The following CBR4 variants were observed in gnomAD, a reference collection of about 807,000 sequenced individuals.
CBR4 encodes the protein 3-oxoacyl-[acyl-carrier-protein] reductase.
In CBR4, 22 loss-of-function variants were observed where a neutral mutation model predicts 21.0. The ratio of observed to expected loss-of-function variants is 1.05; its 90% CI spans 0.75 to 1.50. CBR4 has a LOEUF of 1.50. Ranked by LOEUF, CBR4 falls within the 40% of genes most tolerant of loss-of-function variation. The probability of loss-of-function intolerance (pLI) is 0.00; values close to 1 mark genes in which losing one functional copy is unlikely to be tolerated. For missense variants in CBR4, 302 were observed against 286.3 expected (o/e 1.05, Z -0.40); for synonymous variants, 100 against 104.4 (o/e 0.96, Z 0.26).
At chr4:168,926,457 A>G (rs1762590703) in intron 2 of CBR4, 1 of 1,086,786 alleles carries the variant, frequency 9.2e-7, no homozygotes, top group African/African-American at 1.6e-5. Context: ...TTGTCACATT[A>G]TGTAAAAGGC....
chr4:168,951,333 G>A (rs567342509), intron 2 of CBR4, among the ~76,000 whole-genome samples: 2 of 152,330 alleles, frequency 1.3e-5, no homozygotes, highest in South Asian at 4.1e-4. Flanking sequence ...TGGGATTACA[G>A]GCGTGAGCCA....
At chr4:168,979,930 C>A (rs1578974265) in intron 2 of CBR4, among the ~76,000 whole-genome samples, 1 of 152,114 alleles carries the variant, frequency 6.6e-6, no homozygotes, top group South Asian at 2.1e-4. Flanking sequence ...CAGCAGCTGC[C>A]CTATGAAGAG....
rs750164523 is a variant in CBR4 at position 169,002,032 on chromosome 4, T to C, written c.535+39A>G. On this transcript the variant is annotated intron_variant, in intron 4 of 4. Transcript: ENST00000306193. ...AAATAATGGCTTCCCTATAAAACAA[T>C]AATCATAATCAAGTTATTTTAATAA... 4.7e-6 allele frequency: 7 copies of C among 1,488,522 alleles called. No homozygotes were observed. In the East Asian group the frequency reaches 1.7e-4, roughly 35 times the overall value. The allele number at this position is 1,488,522 out of a possible 1,614,324, so 92.2% of individuals were successfully genotyped here.
chr4:168,966,015 T>C (rs897010507), intron 2 of CBR4, among the ~76,000 whole-genome samples: 3 of 151,900 alleles, frequency 2.0e-5, no homozygotes, highest in Admixed American at 2.0e-4. Flanking sequence ...AGGGCTAATA[T>C]CCAGAATCTA....
Position 168,978,793 on chromosome 4 carries a change from G to A in CBR4, n.169+23278C>T, listed in dbSNP as rs115779722. Reference sequence around the variant, plus strand: ...CCCCAGGAGAGAGGCTGCATCCACAGTACTGAGAAGCAGACGAACTACAGG... The same window carrying A: ...CCCCAGGAGAGAGGCTGCATCCACAATACTGAGAAGCAGACGAACTACAGG... On this transcript the variant is annotated intron_variant and non_coding_transcript_variant, in intron 2 of 3. Coordinates refer to the CBR4 transcript ENST00000509108. 7.6e-3 allele frequency among the ~76,000 whole-genome samples: 1,161 copies of A among 152,270 alleles called. 18 individuals are homozygous for A. Among genetic ancestry groups the A allele is most frequent in the African/African-American group, 0.026 (1,085 of 41,536 alleles).
rs927644209 is a variant in CBR4 at position 168,915,931 on chromosome 4, T to A, written n.170-21166A>T. The A allele has an allele frequency of 6.2e-7, 1 of 1,613,502 alleles. No homozygotes were observed. The highest frequency in any genetic ancestry group is 8.5e-7 in the Non-Finnish European group (1 of 1,179,428). On this transcript the variant is annotated intron_variant and non_coding_transcript_variant, in intron 2 of 3. Coordinates refer to the CBR4 transcript ENST00000509108. The stretch of plus-strand genomic sequence containing the variant: ...GATCAAGGGACAGTGGAGACGAAAA[T>A]GAACCAATTCAGGAGCGATTCTTCA...
At position 168,957,533 on chromosome 4, in the gene CBR4, C is replaced by T. The variant is rs534317639; in HGVS notation, n.169+44538G>A. 4.7e-4 allele frequency among the ~76,000 whole-genome samples: 72 copies of T among 152,246 alleles called. No homozygotes were observed. The South Asian group carries it at 5.8e-3, about 12-fold the overall frequency. On this transcript the variant is annotated intron_variant and non_coding_transcript_variant, in intron 2 of 3. Coordinates refer to the CBR4 transcript ENST00000509108. ...TTAAAGTGTATCTGAATTGTGAAAA[C>T]ATATACACCCACGAAACTGCTACCA...
chr4:168,903,518 G>GT (rs1435317700), intron 2 of CBR4, among the ~76,000 whole-genome samples: 6 of 152,056 alleles, frequency 3.9e-5, no homozygotes, highest in African/African-American at 1.4e-4. Context: ...ATATATGAAT[G>GT]TAAGTGCAAT....
intron 2 of CBR4, among the ~76,000 whole-genome samples, chr4:168,928,914 T>C (rs1316027745): frequency 6.6e-6 from 1 of 152,208 alleles, no homozygotes; most frequent in Non-Finnish European, 1.5e-5. Context: ...CACCTGACTT[T>C]GGGAACCTTA....
chr4:168,915,257 T>G (rs1759867339), intron 2 of CBR4, among the ~76,000 whole-genome samples: 5 of 152,214 alleles, frequency 3.3e-5, no homozygotes. Flanking sequence ...TCAACATCTT[T>G]TAAGTCTTCC....
intron 4 of CBR4, among the ~76,000 whole-genome samples, chr4:168,995,417 GA>G (rs752880821): frequency 3.3e-5 from 5 of 152,160 alleles, no homozygotes; most frequent in East Asian, 1.9e-4. Context: ...AATAAGGCAT[GA>G]GATACTGGAA....
At chr4:168,943,145 T>C (rs1292022434) in intron 2 of CBR4, among the ~76,000 whole-genome samples, 1 of 152,162 alleles carries the variant, frequency 6.6e-6, no homozygotes, top group Non-Finnish European at 1.5e-5. Flanking sequence ...GAAATCAATA[T>C]ATCAGAGATA....
chr4:168,972,606 A>G (rs182569002), intron 2 of CBR4, among the ~76,000 whole-genome samples: 14 of 152,208 alleles, frequency 9.2e-5, no homozygotes, highest in South Asian at 8.3e-4. Flanking sequence ...TATAGCAGTG[A>G]TATTTATTTG....
chr4:168,941,276 G>A (rs1332506771), intron 2 of CBR4, among the ~76,000 whole-genome samples: 1 of 152,034 alleles, frequency 6.6e-6, no homozygotes, highest in Non-Finnish European at 1.5e-5. Flanking sequence ...GTATACCTAT[G>A]TAACAAACCT....
intron 2 of CBR4, among the ~76,000 whole-genome samples, chr4:168,901,881 A>G (rs1381723078): frequency 6.6e-6 from 1 of 152,210 alleles, no homozygotes; most frequent in Non-Finnish European, 1.5e-5. Flanking sequence ...CAACTACTAA[A>G]AAGTAAAATA....
Position 168,925,235 on chromosome 4 carries a change from T to C in CBR4, n.170-30470A>G, listed in dbSNP as rs773012524. 6 of 1,608,360 alleles carry C rather than the reference T, an allele frequency of 3.7e-6. No individual in the cohort carries two copies. Among genetic ancestry groups the C allele is most frequent in the Non-Finnish European group, 5.1e-6 (6 of 1,174,826 alleles). On this transcript the variant is annotated intron_variant and non_coding_transcript_variant, in intron 2 of 3. Transcript: ENST00000509108. ...TCTCTCTCTCTTTCTATTTGTAGTT[T>C]CTCGACATTAATAGTGAACCACACC...
chr4:168,901,882 A>G (rs1278106928), intron 2 of CBR4, among the ~76,000 whole-genome samples: 1 of 152,192 alleles, frequency 6.6e-6, no homozygotes, highest in Non-Finnish European at 1.5e-5. Context: ...AACTACTAAA[A>G]AGTAAAATAA....
chr4:168,939,217 T>C (rs1168922383), intron 2 of CBR4, among the ~76,000 whole-genome samples: 2 of 152,196 alleles, frequency 1.3e-5, no homozygotes. Context: ...TCTCAACAGA[T>C]GCAGAAAAGG....
chr4:168,959,380 T>G (rs1050316897), intron 2 of CBR4, among the ~76,000 whole-genome samples: 6 of 152,184 alleles, frequency 3.9e-5, no homozygotes, highest in African/African-American at 1.4e-4. Flanking sequence ...TCTCTTTAGT[T>G]CCACTGATCT....
Sources: allele counts gnomAD v4.1 joint callset (sites outside exome capture counted in the v4.1 genomes callset), GRCh38; gene constraint gnomAD v4.1.1; transcripts MANE v1.5; gene names NCBI Gene and HGNC (gene_info 2026-07-23, HGNC 2026-07-21).